The following NACC2 variants were observed in gnomAD, a reference collection of about 807,000 sequenced individuals.
The protein encoded by NACC2 is nucleus accumbens-associated protein 2.
Under a neutral mutation model 25.1 loss-of-function variants are expected in NACC2, and 8 were observed. That is an observed-to-expected ratio of 0.32 (90% confidence interval 0.19 to 0.57). The LOEUF is 0.57. NACC2 is among the 20% of genes least tolerant of loss of function. NACC2 has a pLI of 0.89. For missense variants in NACC2, 644 were observed against 650.2 expected (o/e 0.99, Z 0.10); for synonymous variants, 435 against 294.7 (o/e 1.48, Z -4.88).
Position 136,037,287 on chromosome 9 carries a change from G to T in NACC2, c.886+12349C>A, listed in dbSNP as rs987291632. ...TGCCCAGGCTGGAATGCAGTGGTGT[G>T]ATCTCGGCTCATTGCAACCTCTGCC... On this transcript the variant is annotated intron_variant, in intron 2 of 5. Coordinates refer to ENST00000277554, the MANE Select transcript of NACC2 (RefSeq NM_144653.5). 2.0e-5 allele frequency among the ~76,000 whole-genome samples: 3 copies of T among 151,302 alleles called. 1 individual carries two copies. Among genetic ancestry groups the T allele is most frequent in the Non-Finnish European group, 4.4e-5 (3 of 67,770 alleles).
At chr9:136,061,473 T>G (rs1035982758) in intron 1 of NACC2, among the ~76,000 whole-genome samples, 1 of 152,058 alleles carries the variant, frequency 6.6e-6, no homozygotes, top group African/African-American at 2.4e-5. Flanking sequence ...GAGGGGCCCA[T>G]GGCATTTGGC....
At chr9:136,041,691 C>T (rs1394939001) in intron 2 of NACC2, among the ~76,000 whole-genome samples, 6 of 152,092 alleles carry the variant, frequency 3.9e-5, no homozygotes, top group African/African-American at 9.7e-5. Context: ...GATGGCCACA[C>T]AGCTCTGAAT....
At chr9:136,031,395 T>C (rs1170155569) in intron 2 of NACC2, among the ~76,000 whole-genome samples, 1 of 152,148 alleles carries the variant, frequency 6.6e-6, no homozygotes, top group Non-Finnish European at 1.5e-5. Flanking sequence ...TGGGGTGCAG[T>C]GGCACAATCT....
At chr9:136,031,638 C>G (rs576713519) in intron 2 of NACC2, among the ~76,000 whole-genome samples, 1 of 152,210 alleles carries the variant, frequency 6.6e-6, no homozygotes, top group Middle Eastern at 3.4e-3. Flanking sequence ...GTGCCCGGCC[C>G]ACGGCCCCAT....
chr9:136,020,806 G>A lies in NACC2; in HGVS notation c.887-4377C>T, dbSNP rs143032327. Among the ~76,000 whole-genome samples the A allele has an allele frequency of 6.7e-3, 1,014 of 152,234 alleles. 4 individuals are homozygous for A. Among genetic ancestry groups the A allele is most frequent in the Non-Finnish European group, 0.011 (744 of 68,008 alleles). Reference sequence around the variant, plus strand: ...CAGACAGACCCACATGGCCATGCTCGATTGGCTTTTGACAAAGGTGCACCA... The same window carrying A: ...CAGACAGACCCACATGGCCATGCTCAATTGGCTTTTGACAAAGGTGCACCA... On this transcript the variant is annotated intron_variant, in intron 2 of 5. Transcript: ENST00000277554. The surrounding 1 kb of genome is among the most constrained non-coding windows in gnomAD (Gnocchi z 4.7).
At position 136,084,279 on chromosome 9, in the gene NACC2, A is replaced by G. The variant is rs1830355006; in HGVS notation, c.-60+10910T>C. Among the ~76,000 whole-genome samples the G allele has an allele frequency of 6.6e-6, 1 of 151,836 alleles. No homozygotes were observed. Among genetic ancestry groups the G allele is most frequent in the South Asian group, 2.1e-4 (1 of 4,790 alleles). On this transcript the variant is annotated intron_variant, in intron 1 of 5. Coordinates refer to ENST00000277554, the MANE Select transcript of NACC2 (RefSeq NM_144653.5). The surrounding 1 kb of genome is among the most constrained non-coding windows in gnomAD (Gnocchi z 5.1). Reference sequence around the variant, plus strand: ...GTCCTGGGTAGCCAACCCCTCCCCTACTGCATGCCCCAGCCCCTCCTGTGT... The same window carrying G: ...GTCCTGGGTAGCCAACCCCTCCCCTGCTGCATGCCCCAGCCCCTCCTGTGT...
chr9:136,070,055 A>G (rs573928562), intron 1 of NACC2, among the ~76,000 whole-genome samples: 28 of 152,034 alleles, frequency 1.8e-4, no homozygotes, highest in Non-Finnish European at 3.5e-4. Context: ...CTGGGCCAGA[A>G]AGAAAACTTC....
In NACC2 at chr9:136,013,181, AG is replaced by A; in HGVS notation, c.1255+17del. ...CCAGCCCCGGCCCCACCCACCCGAG[AG>A]ACCCCCAGGCTCTTACATTTCACAG... is the stretch of plus-strand genomic sequence containing the variant. On this transcript the variant is annotated intron_variant, in intron 5 of 5. Transcript: ENST00000277554. This position sits in a 1 kb window ranked among gnomAD's most constrained non-coding sequence, Gnocchi z 6.6. 2.9e-6 allele frequency: 2 copies of A among 685,556 alleles called. No homozygotes were observed. Among genetic ancestry groups the A allele is most frequent in the South Asian group, 1.4e-5 (1 of 70,954 alleles). The allele number at this position is 685,556 out of a possible 1,614,324, so 42.5% of individuals were successfully genotyped here.
chr9:136,094,315 C>T (rs1303091283), intron 1 of NACC2, among the ~76,000 whole-genome samples: 1 of 152,204 alleles, frequency 6.6e-6, no homozygotes, highest in Non-Finnish European at 1.5e-5. Flanking sequence ...GCCTTCAGAC[C>T]CACAGGTTTA....
chr9:136,066,020 C>A (rs902380910), intron 1 of NACC2, among the ~76,000 whole-genome samples: 12 of 151,690 alleles, frequency 7.9e-5, no homozygotes, highest in African/African-American at 2.9e-4. Flanking sequence ...ATGGTGAAAA[C>A]CCATCTCTAC....
intron 1 of NACC2, among the ~76,000 whole-genome samples, chr9:136,052,701 G>A (rs1030525751): frequency 9.2e-5 from 14 of 152,320 alleles, no homozygotes; most frequent in South Asian, 2.1e-4. Context: ...ACCAGGAGCC[G>A]GAAGGGGCAG....
chr9:136,064,471 A>G (rs930466553), intron 1 of NACC2, among the ~76,000 whole-genome samples: 2 of 152,236 alleles, frequency 1.3e-5, no homozygotes, highest in African/African-American at 4.8e-5. Context: ...AAAAAGCATA[A>G]AATACATAGG....
At chr9:136,090,834 C>A (rs994667218) in intron 1 of NACC2, among the ~76,000 whole-genome samples, 15 of 150,992 alleles carry the variant, frequency 9.9e-5, no homozygotes, top group African/African-American at 3.4e-4. Flanking sequence ...TGGGGCCGGC[C>A]AGCCCTGGGC....
At chr9:136,037,903 CAT>C (rs1192425809) in intron 2 of NACC2, among the ~76,000 whole-genome samples, 19,547 of 152,078 alleles carry the variant, frequency 0.13, 1,731 homozygotes, top group East Asian at 0.35. Context: ...CCAGTACACA[CAT>C]GTTTATGGCA....
chr9:136,074,322 G>A (rs1229063158), intron 1 of NACC2, among the ~76,000 whole-genome samples: 1 of 146,576 alleles, frequency 6.8e-6, no homozygotes, highest in Non-Finnish European at 1.5e-5. Flanking sequence ...GCATGGTGGT[G>A]GGCGCCTGTA....
At chr9:136,040,621 C>A (rs1344994559) in intron 2 of NACC2, among the ~76,000 whole-genome samples, 1 of 152,012 alleles carries the variant, frequency 6.6e-6, no homozygotes, top group Non-Finnish European at 1.5e-5. Context: ...CACTACTGAA[C>A]TGATAAATAA....
chr9:136,043,421 C>G (rs1840674837), intron 2 of NACC2, among the ~76,000 whole-genome samples: 1 of 152,204 alleles, frequency 6.6e-6, no homozygotes, highest in Non-Finnish European at 1.5e-5. Flanking sequence ...GATATTCCAC[C>G]CACGAGGAAG....
chr9:136,017,071 C>T (rs1487252250), intron 2 of NACC2, among the ~76,000 whole-genome samples: 4 of 152,252 alleles, frequency 2.6e-5, no homozygotes, highest in Non-Finnish European at 4.4e-5. Context: ...GCTGGCCTGA[C>T]GAGGAGCAAC....
In NACC2 at chr9:136,030,252, C is replaced by T. The variant is rs114916546; in HGVS notation, c.887-13823G>A. On this transcript the variant is annotated intron_variant, in intron 2 of 5. Transcript: ENST00000277554. Reference sequence around the variant, plus strand: ...TTGCAGGCTGTACAAAAACAGGACACGGGACAGATCTGCCATAGTCAGAGG... The same window carrying T: ...TTGCAGGCTGTACAAAAACAGGACATGGGACAGATCTGCCATAGTCAGAGG... Among the ~76,000 whole-genome samples the T allele has an allele frequency of 7.9e-3, 1,208 of 152,178 alleles. 17 individuals carry two copies. Among genetic ancestry groups the T allele is most frequent in the African/African-American group, 0.028 (1,155 of 41,522 alleles).
Sources: allele counts gnomAD v4.1 joint callset (sites outside exome capture counted in the v4.1 genomes callset), GRCh38; gene constraint gnomAD v4.1.1; non-coding constraint Gnocchi (gnomAD v3.1); transcripts MANE v1.5; gene names NCBI Gene and HGNC (gene_info 2026-07-23, HGNC 2026-07-21).